INPP4A: variants seen among roughly 807,000 people sequenced by gnomAD.
INPP4A encodes inositol polyphosphate-4-phosphatase type I A, also known as inositol polyphosphate-4-phosphatase, type I, 107kD.
In INPP4A, 33 loss-of-function variants were observed where a neutral mutation model predicts 119.8. The observed-to-expected ratio is 0.28, with a 90% CI of 0.21 to 0.37. The LOEUF (loss-of-function observed/expected upper bound fraction) is 0.37, where lower values mean the gene tolerates loss of function less well. INPP4A is among the 10% of genes least tolerant of loss of function. The probability of loss-of-function intolerance (pLI) is 1.00; values close to 1 mark genes in which losing one functional copy is unlikely to be tolerated. For synonymous variants in INPP4A, 496 were observed against 500.7 expected, an observed-to-expected ratio of 0.99 and a Z score of 0.12; for missense variants, 956 against 1,289.9, an observed-to-expected ratio of 0.74 and a Z score of 3.97.
intron 1 of INPP4A, among the ~76,000 whole-genome samples, chr2:98,499,633 C>A (rs1413992017): frequency 6.6e-6 from 1 of 152,144 alleles, no homozygotes; most frequent in Admixed American, 6.5e-5. Flanking sequence ...TAAAAAATCC[C>A]CTTGGAATTA....
At chr2:98,456,620 A>T (rs958393718) in intron 1 of INPP4A, among the ~76,000 whole-genome samples, 1 of 152,224 alleles carries the variant, frequency 6.6e-6, no homozygotes, top group African/African-American at 2.4e-5. Flanking sequence ...ATTACAGGGC[A>T]TGAGCCACTG....
At position 98,450,959 on chromosome 2, in the gene INPP4A, C is replaced by T. The variant is rs146273543; in HGVS notation, c.-166+5874C>T. 2.6e-3 allele frequency among the ~76,000 whole-genome samples: 395 copies of T among 152,190 alleles called. 1 individual carries two copies. Among genetic ancestry groups the T allele is most frequent in the African/African-American group, 4.6e-3 (192 of 41,512 alleles). On this transcript the variant is annotated intron_variant, in intron 1 of 24. Transcript: ENST00000409851. ...GCTAATTTTGTATTTTTAGTAGAGA[C>T]GGGGTTTCACCATGTTGGCCAGGCT...
intron 24 of INPP4A, among the ~76,000 whole-genome samples, chr2:98,578,650 A>G (rs1698815657): frequency 6.6e-6 from 1 of 152,228 alleles, no homozygotes; most frequent in South Asian, 2.1e-4. Flanking sequence ...CCCCTAGCAC[A>G]CTTGGGTTGT....
chr2:98,491,361 G>C (rs1680732347), intron 1 of INPP4A, among the ~76,000 whole-genome samples: 1 of 152,218 alleles, frequency 6.6e-6, no homozygotes, highest in Non-Finnish European at 1.5e-5. Flanking sequence ...TCAGCTGAGT[G>C]CCCTGAGTCC....
chr2:98,473,705 G>A (rs1267317676), intron 1 of INPP4A, among the ~76,000 whole-genome samples: 1 of 152,138 alleles, frequency 6.6e-6, no homozygotes, highest in African/African-American at 2.4e-5. Flanking sequence ...TGGTGGGTGG[G>A]CGGATGGCAC....
chr2:98,507,624 G>T (rs1287425535), intron 1 of INPP4A, among the ~76,000 whole-genome samples: 2 of 152,110 alleles, frequency 1.3e-5, no homozygotes, highest in Non-Finnish European at 2.9e-5. Flanking sequence ...AACTGGGAGA[G>T]CACCCATGCA....
Position 98,536,096 on chromosome 2 carries a change from A to T in INPP4A, c.388-33A>T. On this transcript the variant is annotated intron_variant, in intron 6 of 24. Transcript: ENST00000409851. Reference sequence around the variant, plus strand: ...ATTGCATCAGAAGCAAAGCAAGCGCACCAATGCTGCCTCTCTTCCTTCTCT... The same window carrying T: ...ATTGCATCAGAAGCAAAGCAAGCGCTCCAATGCTGCCTCTCTTCCTTCTCT... 2.1e-6 allele frequency: 3 copies of T among 1,424,592 alleles called. No homozygotes were observed. In the South Asian group the frequency reaches 3.5e-5, roughly 17 times the overall value. The allele number at this position is 1,424,592 out of a possible 1,614,324, so 88.2% of individuals were successfully genotyped here. A position where few individuals can be genotyped will look rare whatever the true frequency, so the allele number is the denominator to read the frequency against.
At chr2:98,525,733 A>G (rs78604634) in intron 4 of INPP4A, among the ~76,000 whole-genome samples, 2,344 of 152,366 alleles carry the variant, frequency 0.015, 68 homozygotes, top group African/African-American at 0.054. Context: ...ACAAATGAAC[A>G]ATAAGCACAT....
At chr2:98,474,859 T>A (rs1676876702) in intron 1 of INPP4A, among the ~76,000 whole-genome samples, 1 of 152,202 alleles carries the variant, frequency 6.6e-6, no homozygotes, top group Non-Finnish European at 1.5e-5. Context: ...AAGTTATTTT[T>A]AATTAATCAC....
intron 13 of INPP4A, among the ~76,000 whole-genome samples, chr2:98,550,601 G>A (rs1331408101): frequency 1.3e-5 from 2 of 152,204 alleles, no homozygotes; most frequent in Non-Finnish European, 2.9e-5. Context: ...CTGCCCCTAG[G>A]CTTCATGTCT....
At position 98,477,486 on chromosome 2, in the gene INPP4A, A is replaced by G. The variant is rs1677486701; in HGVS notation, c.-166+32401A>G. On this transcript the variant is annotated intron_variant, in intron 1 of 24. Coordinates refer to ENST00000409851, the MANE Select transcript of INPP4A (RefSeq NM_001134225.2). Reference sequence around the variant, plus strand: ...CCTTTCTCTGAGATACTTGGACACCATGTTACCAGACCACAGCCTAACAAC... The same window carrying G: ...CCTTTCTCTGAGATACTTGGACACCGTGTTACCAGACCACAGCCTAACAAC... 2.6e-5 allele frequency among the ~76,000 whole-genome samples: 4 copies of G among 152,354 alleles called. 1 individual carries two copies. The South Asian group carries it at 8.3e-4, about 32-fold the overall frequency.
At chr2:98,480,940 G>T (rs969657828) in intron 1 of INPP4A, among the ~76,000 whole-genome samples, 1 of 152,200 alleles carries the variant, frequency 6.6e-6, no homozygotes, top group Non-Finnish European at 1.5e-5. Context: ...AGGAGTTGTG[G>T]TGCTGCACGT....
At chr2:98,528,517 C>T (rs1688592599) in intron 4 of INPP4A, among the ~76,000 whole-genome samples, 1 of 152,160 alleles carries the variant, frequency 6.6e-6, no homozygotes, top group South Asian at 2.1e-4. Flanking sequence ...AAAAACATCC[C>T]ATGTTTGATG....
At chr2:98,512,182 TCA>T (rs1166085051) in intron 1 of INPP4A, among the ~76,000 whole-genome samples, 1 of 152,236 alleles carries the variant, frequency 6.6e-6, no homozygotes, top group East Asian at 1.9e-4. Context: ...CTGTGTTTCT[TCA>T]CATATGTGCT....
At chr2:98,564,331 C>T (rs1696037866) in intron 18 of INPP4A, among the ~76,000 whole-genome samples, 1 of 152,184 alleles carries the variant, frequency 6.6e-6, no homozygotes, top group Non-Finnish European at 1.5e-5. Flanking sequence ...GACCCTTTCA[C>T]TGTGAGTAAT....
intron 1 of INPP4A, among the ~76,000 whole-genome samples, chr2:98,451,409 G>A (rs1695203937): frequency 6.6e-6 from 1 of 152,236 alleles, no homozygotes; most frequent in East Asian, 1.9e-4. Flanking sequence ...AGGAAGACAG[G>A]GATGTCCTCT....
chr2:98,460,133 A>G lies in INPP4A; in HGVS notation c.-166+15048A>G, dbSNP rs192674532. On this transcript the variant is annotated intron_variant, in intron 1 of 24. Coordinates refer to ENST00000409851, the MANE Select transcript of INPP4A (RefSeq NM_001134225.2). The stretch of plus-strand genomic sequence containing the variant: ...TGTGTGTGTGTGTGTGTGTGTGTGT[A>G]TGTTTAAAATTAAAAGTAAAAATTT... 4.3e-3 allele frequency among the ~76,000 whole-genome samples: 564 copies of G among 131,756 alleles called. 1 individual carries two copies. Among genetic ancestry groups the G allele is most frequent in the Non-Finnish European group, 6.3e-3 (395 of 62,606 alleles). 86.4% of individuals were successfully genotyped at this position (131,756 alleles called of 152,430 possible). A position where few individuals can be genotyped will look rare whatever the true frequency, so the allele number is the denominator to read the frequency against.
intron 1 of INPP4A, among the ~76,000 whole-genome samples, chr2:98,514,863 A>C (rs1301291269): frequency 6.6e-6 from 1 of 152,070 alleles, no homozygotes; most frequent in African/African-American, 2.4e-5. Flanking sequence ...AGGCTACAAT[A>C]AGCCTGATGT....
intron 5 of INPP4A, among the ~76,000 whole-genome samples, chr2:98,534,204 A>G (rs1294544046): frequency 2.6e-5 from 4 of 152,228 alleles, no homozygotes; most frequent in East Asian, 3.9e-4. Context: ...CTTTCTAAGC[A>G]GTTGTCGAGT....
Sources: gnomAD v4.1 joint callset for allele counts (sites outside exome capture counted in the v4.1 genomes callset) on GRCh38, gnomAD v4.1.1 for gene constraint, MANE v1.5 for transcripts, NCBI Gene and HGNC (gene_info 2026-07-23, HGNC 2026-07-21) for gene names.